The following GPI variants were observed in gnomAD, a reference collection of about 807,000 sequenced individuals.
The protein encoded by GPI is glucose-6-phosphate isomerase.
GPI carries 56 observed loss-of-function variants against 75.8 expected under a neutral mutation model. That is an observed-to-expected ratio of 0.74 (90% CI 0.60 to 0.92). The LOEUF is 0.92. Ranked by LOEUF, GPI falls within the 40% of genes least tolerant of loss-of-function variation. The probability of loss-of-function intolerance (pLI) is 0.00; values close to 1 mark genes in which losing one functional copy is unlikely to be tolerated. For synonymous variants in GPI, 288 were observed against 285.4 expected, an observed-to-expected ratio of 1.01 and a Z score of -0.09; for missense variants, 638 against 741.0, an observed-to-expected ratio of 0.86 and a Z score of 1.61.
At chr19:34,379,099 T>A in intron 7 of GPI, 94 bp downstream of exon 7, 1 of 1,118,348 alleles carries the variant, frequency 8.9e-7, no homozygotes, top group Non-Finnish European at 1.4e-6. Flanking sequence ...GTGTTTCTCC[T>A]GAAGTTGGAA....
rs772206226 is a variant in GPI at position 34,365,220 on chromosome 19, C to A, written c.-47C>A. ...CGCTTGCTGCGCGCTGCCGGCGCTC[C>A]TTCCTCCTCGGCTCGCGTCTCACTC... On this transcript the variant is annotated 5_prime_UTR_variant, in exon 1 of 18. Transcript: ENST00000356487. 6 of 1,428,290 alleles carry A rather than the reference C, an allele frequency of 4.2e-6. No homozygotes were observed. The highest frequency in any genetic ancestry group is 5.5e-6 in the Non-Finnish European group (6 of 1,084,078). The allele number at this position is 1,428,290 out of a possible 1,614,324, so 88.5% of individuals were successfully genotyped here.
At chr19:34,368,855 C>G (rs2074407753) in intron 4 of GPI, 153 bp downstream of exon 4, 1 of 828,534 alleles carries the variant, frequency 1.2e-6, no homozygotes, top group Admixed American at 2.0e-5. Context: ...TGATCGCTGA[C>G]CCTGGAGTCT....
intron 9 of GPI, among the ~76,000 whole-genome samples, chr19:34,385,164 G>A (rs910883052): frequency 2.0e-5 from 3 of 151,934 alleles, no homozygotes; most frequent in Admixed American, 6.6e-5. Context: ...ACATGGTGAC[G>A]GGGTGAAACC....
At chr19:34,392,994 C>T (rs2074887533) in intron 9 of GPI, 1 of 539,942 alleles carries the variant, frequency 1.9e-6, no homozygotes, top group Admixed American at 2.9e-5. Context: ...TCTGCAGAGA[C>T]AGGGCCCGAC....
intron 4 of GPI, among the ~76,000 whole-genome samples, 167 bp from the exon 5 acceptor site, chr19:34,377,336 A>AAATATATATATATAT (rs2074558981): frequency 2.0e-5 from 1 of 49,328 alleles, no homozygotes; most frequent in Non-Finnish European, 3.2e-5. Context: ...AAAAAAAAAA[A>AAATATATATATATAT]ATATATATAT....
chr19:34,362,870 A>T (rs987319858), upstream of GPI, among the ~76,000 whole-genome samples: 4 of 152,258 alleles, frequency 2.6e-5, no homozygotes, highest in Non-Finnish European at 5.9e-5. Flanking sequence ...TTTAGCTGGC[A>T]TAAGTTATGT....
intron 4 of GPI, among the ~76,000 whole-genome samples, chr19:34,369,944 A>G (rs2074426278): frequency 6.6e-6 from 1 of 152,230 alleles, no homozygotes; most frequent in South Asian, 2.1e-4. Flanking sequence ...AAAAAATAGA[A>G]AAGTTTTCCT....
At chr19:34,361,452 G>A (rs1198733634), upstream of GPI, among the ~76,000 whole-genome samples, 17 of 152,228 alleles carry the variant, frequency 1.1e-4, no homozygotes, top group African/African-American at 3.9e-4. Context: ...TCCTTCATAG[G>A]ACTGCCATGA....
intron 4 of GPI, among the ~76,000 whole-genome samples, chr19:34,376,116 A>G (rs2074531369): frequency 6.6e-6 from 1 of 152,104 alleles, no homozygotes; most frequent in African/African-American, 2.4e-5. Flanking sequence ...TGTGGCAGGG[A>G]CCAGTGTGGT....
intron 8 of GPI, among the ~76,000 whole-genome samples, chr19:34,380,170 A>G (rs1021111385): frequency 6.7e-6 from 1 of 150,272 alleles, no homozygotes; most frequent in Non-Finnish European, 1.5e-5. Context: ...CTATTTTCGT[A>G]TTTTTAGTAG....
At chr19:34,367,883 A>G (rs561743575) in intron 3 of GPI, among the ~76,000 whole-genome samples, 1 of 152,332 alleles carries the variant, frequency 6.6e-6, no homozygotes, top group Non-Finnish European at 1.5e-5. Flanking sequence ...GGATGAGGTT[A>G]CTTCAGGCTT....
intron 4 of GPI, among the ~76,000 whole-genome samples, chr19:34,374,113 C>A (rs1303666275): frequency 6.6e-6 from 1 of 151,260 alleles, no homozygotes; most frequent in Non-Finnish European, 1.5e-5. Flanking sequence ...ATTACAGGTG[C>A]CCGCCACCAT....
Position 34,393,454 on chromosome 19 carries a change from C to G in GPI, c.865+146C>G, listed in dbSNP as rs1469700340. 3.7e-6 allele frequency: 3 copies of G among 804,614 alleles called. No homozygotes were observed. The highest frequency in any genetic ancestry group is 6.5e-6 in the Non-Finnish European group (3 of 462,864). The allele number at this position is 804,614 out of a possible 1,614,324, so 49.8% of individuals were successfully genotyped here. On this transcript the variant is annotated intron_variant, in intron 10 of 17. Transcript: ENST00000356487. This position sits in a 1 kb window ranked among gnomAD's most constrained non-coding sequence, Gnocchi z 4.4. Reference sequence around the variant, plus strand: ...GCTGGCTGGGATATTTATTTCATGTCCAGAAGGAAGGTCTGGGTTTTTTTG... The same window carrying G: ...GCTGGCTGGGATATTTATTTCATGTGCAGAAGGAAGGTCTGGGTTTTTTTG...
At position 34,393,480 on chromosome 19, in the gene GPI, C is replaced by CGT. The variant is rs948914397; in HGVS notation, c.865+176_865+177dup. On this transcript the variant is annotated intron_variant, in intron 10 of 17. Coordinates refer to ENST00000356487, the MANE Select transcript of GPI (RefSeq NM_000175.5). This position sits in a 1 kb window ranked among gnomAD's most constrained non-coding sequence, Gnocchi z 4.4. Reference sequence around the variant, plus strand: ...CAGAAGGAAGGTCTGGGTTTTTTTGCGTGTGCAAGTTGGCCCCCGTCTTTG... The same window carrying CGT: ...CAGAAGGAAGGTCTGGGTTTTTTTGCGTGTGTGCAAGTTGGCCCCCGTCTTTG... 156 of 747,674 alleles carry CGT rather than the reference C, an allele frequency of 2.1e-4. No homozygotes were observed. The highest frequency in any genetic ancestry group is 2.0e-3 in the African/African-American group (116 of 57,362). 46.3% of individuals were successfully genotyped at this position (747,674 alleles called of 1,614,324 possible). A position where few individuals can be genotyped will look rare whatever the true frequency, so the allele number is the denominator to read the frequency against.
chr19:34,369,903 C>T lies in GPI; in HGVS notation c.402+1201C>T, dbSNP rs148908454. On this transcript the variant is annotated intron_variant, in intron 4 of 17. Transcript: ENST00000356487. The stretch of plus-strand genomic sequence containing the variant: ...TGACACCACTGCACTGCAGCCTGGG[C>T]GACAGCAAGATCGTGTCTCTAAATA... Among the ~76,000 whole-genome samples, 586 of 152,190 alleles carry T rather than the reference C, an allele frequency of 3.9e-3. 3 individuals carry two copies. The highest frequency in any genetic ancestry group is 0.013 in the African/African-American group (552 of 41,520).
intron 9 of GPI, among the ~76,000 whole-genome samples, chr19:34,389,693 C>G (rs898631311): frequency 1.3e-5 from 2 of 152,178 alleles, no homozygotes; most frequent in African/African-American, 4.8e-5. Flanking sequence ...GGAATGCTCC[C>G]TCAGTGCTTC....
At chr19:34,385,800 G>A (rs2074726639) in intron 9 of GPI, among the ~76,000 whole-genome samples, 1 of 152,212 alleles carries the variant, frequency 6.6e-6, no homozygotes, top group Non-Finnish European at 1.5e-5. Context: ...CCAGGAGCCA[G>A]CATTGAGCAC....
In GPI at chr19:34,400,579, GAAA is replaced by G; in HGVS notation, c.*544_*546del. 1.4e-5 allele frequency: 6 copies of G among 431,038 alleles called. No homozygotes were observed. The highest frequency in any genetic ancestry group is 2.0e-5 in the Non-Finnish European group (5 of 244,382). 26.7% of individuals were successfully genotyped at this position (431,038 alleles called of 1,614,324 possible). Reference sequence around the variant, plus strand: ...TCCACTCCTCACCTCTGTGACTGCAGAAATTGGATACTCTGTTCACTCGATGGT... The same window carrying G: ...TCCACTCCTCACCTCTGTGACTGCAGTTGGATACTCTGTTCACTCGATGGT... On this transcript the variant is annotated 3_prime_UTR_variant, in exon 18 of 18. Coordinates refer to ENST00000356487, the MANE Select transcript of GPI (RefSeq NM_000175.5).
intron 9 of GPI, among the ~76,000 whole-genome samples, chr19:34,387,438 G>C (rs2074753271): frequency 6.6e-6 from 1 of 152,092 alleles, no homozygotes; most frequent in Non-Finnish European, 1.5e-5. Flanking sequence ...CTCAATGGTG[G>C]TATGTTTACC....
Sources: gnomAD v4.1 joint callset for allele counts (sites outside exome capture counted in the v4.1 genomes callset) on GRCh38, gnomAD v4.1.1 for gene constraint, Gnocchi (gnomAD v3.1) non-coding constraint, MANE v1.5 for transcripts, NCBI Gene and HGNC (gene_info 2026-07-23, HGNC 2026-07-21) for gene names.